MEIOC: variants seen among roughly 807,000 people sequenced by gnomAD.
MEIOC encodes the protein meiosis specific with coiled-coil domain, also known as meiosis-specific coiled-coil domain-containing protein MEIOC.
In MEIOC, 9 loss-of-function variants were observed where a neutral mutation model predicts 85.3. That is an observed-to-expected ratio of 0.11 (90% CI 0.06 to 0.18). MEIOC has a LOEUF of 0.18. Ranked by LOEUF, MEIOC falls within the 10% of genes least tolerant of loss-of-function variation. The probability of loss-of-function intolerance (pLI) is 1.00; values close to 1 mark genes in which losing one functional copy is unlikely to be tolerated. For synonymous variants in MEIOC, 365 were observed against 393.7 expected (o/e 0.93, Z 0.86); for missense variants, 898 against 1,129.4 (o/e 0.80, Z 2.94).
At chr17:44,676,615 G>A (rs1051241468), downstream of MEIOC, among the ~76,000 whole-genome samples, 4 of 152,278 alleles carry the variant, frequency 2.6e-5, no homozygotes, top group South Asian at 8.3e-4. Flanking sequence ...GAGGTCAGGA[G>A]ATCGAGACCA....
Position 44,666,734 on chromosome 17 carries a change from G to T in MEIOC, c.823G>T (p.Gly275Cys). Residue 275 changes from glycine to cysteine, a missense_variant, in exon 5 of 8, where the codon GGT becomes TGT. Around this residue, in one of 2 missense-constraint regions of MEIOC, gnomAD observed 734 missense variants for 860.1 expected, o/e 0.85. Transcript: ENST00000409122. ...CAAAAACTGTTTTACACCCCAAACTGGTCTGTCTGATATCATGAAAGAATC... is the reference window on the plus strand; with the variant it reads ...CAAAAACTGTTTTACACCCCAAACTTGTCTGTCTGATATCATGAAAGAATC... ...LIKNCFTPQT[G>C]LSDIMKESGV... 6.2e-7 allele frequency: 1 copy of T among 1,613,314 alleles called. No homozygotes were observed. Among genetic ancestry groups the T allele is most frequent in the Non-Finnish European group, 8.5e-7 (1 of 1,179,692 alleles).
chr17:44,656,526 G>C lies in MEIOC; in HGVS notation c.-88G>C. Reference sequence around the variant, plus strand: ...GCGGCTGCGGAGACGGCGGGGTGCGGGCTGAGGGAGCCGGGCCTGGACGCC... The same window carrying C: ...GCGGCTGCGGAGACGGCGGGGTGCGCGCTGAGGGAGCCGGGCCTGGACGCC... On this transcript the variant is annotated 5_prime_UTR_variant, in exon 1 of 8. Transcript: ENST00000409122. The C allele has an allele frequency of 9.0e-7, 1 of 1,108,848 alleles. No homozygotes were observed. The highest frequency in any genetic ancestry group is 1.2e-6 in the Non-Finnish European group (1 of 837,584). The allele number at this position is 1,108,848 out of a possible 1,614,324, so 68.7% of individuals were successfully genotyped here.
chr17:44,676,075 A>G (rs1257381465), downstream of MEIOC: 1 of 152,222 alleles, frequency 6.6e-6, no homozygotes, highest in Non-Finnish European at 1.5e-5. Flanking sequence ...CTGGTCAGAA[A>G]TGAAATACCA....
chr17:44,658,603 T>G (rs1427359036), intron 2 of MEIOC, among the ~76,000 whole-genome samples: 1 of 151,696 alleles, frequency 6.6e-6, no homozygotes, highest in Non-Finnish European at 1.5e-5. Context: ...AAGACCAGCC[T>G]GGCCAACATG....
Position 44,675,108 on chromosome 17 carries a change from G to T in MEIOC, c.*912G>T. The T allele has an allele frequency of 1.0e-6, 1 of 984,780 alleles. No homozygotes were observed. Among genetic ancestry groups the T allele is most frequent in the Non-Finnish European group, 1.2e-6 (1 of 829,522 alleles). 61.0% of individuals were successfully genotyped at this position (984,780 alleles called of 1,614,324 possible). On this transcript the variant is annotated 3_prime_UTR_variant, in exon 8 of 8. Transcript: ENST00000409122. ...TAAAGGTTAATCTCTAACTAGTTTAGCTTGCAATTGGTTAGTGTATATTTT... is the reference window on the plus strand; with the variant it reads ...TAAAGGTTAATCTCTAACTAGTTTATCTTGCAATTGGTTAGTGTATATTTT...
chr17:44,658,280 G>C (rs1245611206), intron 2 of MEIOC, among the ~76,000 whole-genome samples: 1 of 144,990 alleles, frequency 6.9e-6, no homozygotes, highest in African/African-American at 2.6e-5. Context: ...TCAGCCTCCC[G>C]AGTAGCTGGG....
intron 3 of MEIOC, 141 bp from the exon 4 acceptor site, chr17:44,665,243 C>A (rs1417709277): frequency 2.8e-5 from 25 of 889,704 alleles, no homozygotes; most frequent in Admixed American, 4.3e-5. Context: ...AGAAAATATT[C>A]TTGAGTTCTA....
chr17:44,672,052 C>T (rs1972020697), intron 6 of MEIOC, among the ~76,000 whole-genome samples: 1 of 152,118 alleles, frequency 6.6e-6, no homozygotes, highest in Non-Finnish European at 1.5e-5. Context: ...AAGATCTTGG[C>T]TCACTGCAAC....
At position 44,675,712 on chromosome 17, in the gene MEIOC, A is replaced by C. The variant is rs2144680611; in HGVS notation, c.*1516A>C. The C allele has an allele frequency of 1.0e-6, 1 of 982,184 alleles. No homozygotes were observed. Among genetic ancestry groups the C allele is most frequent in the East Asian group, 1.1e-4 (1 of 8,812 alleles). 60.8% of individuals were successfully genotyped at this position (982,184 alleles called of 1,614,324 possible). On this transcript the variant is annotated 3_prime_UTR_variant, in exon 8 of 8. Transcript: ENST00000409122. ...ACAGTCACTGCATAGAAAGTGGTTA[A>C]GTTTAACATAAGACATGTTGGATGT... is the stretch of plus-strand genomic sequence containing the variant.
chr17:44,665,149 C>A, intron 3 of MEIOC: 1 of 1,063,466 alleles, frequency 9.4e-7, no homozygotes, highest in Non-Finnish European at 1.1e-6. Context: ...TAAGCATGCA[C>A]TGTAAGTTAG....
intron 3 of MEIOC, chr17:44,665,037 C>A: frequency 3.2e-6 from 2 of 617,696 alleles, no homozygotes; most frequent in Non-Finnish European, 4.1e-6. Context: ...GACTTGCTTT[C>A]AGGAGCAGCT....
Position 44,675,557 on chromosome 17 carries a change from T to C in MEIOC, c.*1361T>C. 2 of 983,202 alleles carry C rather than the reference T, an allele frequency of 2.0e-6. No individual in the cohort carries two copies. The highest frequency in any genetic ancestry group is 2.4e-6 in the Non-Finnish European group (2 of 828,106). The allele number at this position is 983,202 out of a possible 1,614,324, so 60.9% of individuals were successfully genotyped here. On this transcript the variant is annotated 3_prime_UTR_variant, in exon 8 of 8. Transcript: ENST00000409122. ...TCATACCACATAAATTTTCTTTAGA[T>C]GATGTGCAGAAGAAACTGATTGAGA... is the stretch of plus-strand genomic sequence containing the variant.
At chr17:44,664,626 T>C (rs1168043890) in intron 3 of MEIOC, among the ~76,000 whole-genome samples, 1 of 152,150 alleles carries the variant, frequency 6.6e-6, no homozygotes. Flanking sequence ...CCAAAACACC[T>C]CTGATCCCAA....
intron 5 of MEIOC, 27 bp from the exon 6 acceptor site, chr17:44,669,356 A>G (rs570263672): frequency 2.6e-5 from 40 of 1,523,402 alleles, no homozygotes; most frequent in East Asian, 1.7e-4. Flanking sequence ...AAAATTCTAC[A>G]TCTAAAAAGT....
rs1222950684 is a variant in MEIOC at position 44,668,070 on chromosome 17, C to T, written c.2159C>T (p.Pro720Leu). 6.2e-7 allele frequency: 1 copy of T among 1,613,248 alleles called. No homozygotes were observed. Among genetic ancestry groups the T allele is most frequent in the Non-Finnish European group, 8.5e-7 (1 of 1,179,434 alleles). ...LSYDDLSHLY[P>L]YFNMMYGDNS... ...TATGATGACTTAAGCCATTTGTACC[C>T]TTATTTTAATATGATGTATGGTGAT... Residue 720 changes from proline to leucine, a missense_variant, in exon 5 of 8, where the codon CCT becomes CTT. By Grantham distance (98) the Pro-to-Leu change is moderately conservative. Transcript: ENST00000409122.
At chr17:44,663,578 A>G (rs992175925) in intron 3 of MEIOC, among the ~76,000 whole-genome samples, 9 of 152,212 alleles carry the variant, frequency 5.9e-5, no homozygotes, top group Non-Finnish European at 1.0e-4. Context: ...AAAAAATTCA[A>G]GCCTATTCTC....
intron 6 of MEIOC, chr17:44,669,728 C>T (rs752207432): frequency 4.5e-4 from 213 of 475,232 alleles, no homozygotes; most frequent in Non-Finnish European, 7.3e-4. Context: ...GGGGTGGTGG[C>T]ATGCGCCTGT....
chr17:44,671,970 A>AT (rs1972019569), intron 6 of MEIOC, among the ~76,000 whole-genome samples: 1 of 151,982 alleles, frequency 6.6e-6, no homozygotes, highest in South Asian at 2.1e-4. Context: ...AAAAAAAAAT[A>AT]TTTTTTAAAC....
At chr17:44,665,014 TATA>T in intron 3 of MEIOC, 1 of 361,152 alleles carries the variant, frequency 2.8e-6, no homozygotes, top group Non-Finnish European at 3.9e-6. Context: ...TGGAATAATG[TATA>T]ATAAGACAAG....
Sources: gnomAD v4.1 joint callset for allele counts (sites outside exome capture counted in the v4.1 genomes callset) on GRCh38, gnomAD v4.1.1 for gene constraint, gnomAD v4.1.1 regional missense constraint, MANE v1.5 for transcripts, NCBI Gene and HGNC (gene_info 2026-07-23, HGNC 2026-07-21) for gene names.